Variants in PCDH15 observed in about 807,000 individuals in gnomAD.
PCDH15 encodes protocadherin related 15, also known as protocadherin-15.
Under a neutral mutation model 178.5 loss-of-function variants are expected in PCDH15, and 129 were observed. The ratio of observed to expected loss-of-function variants is 0.72; its 90% CI spans 0.63 to 0.84. PCDH15 has a LOEUF of 0.84. PCDH15 is among the 40% of genes least tolerant of loss of function. PCDH15 has a pLI of 0.00. For synonymous variants in PCDH15, 800 were observed against 732.0 expected (o/e 1.09, Z -1.50); for missense variants, 2,230 against 2,099.9 (o/e 1.06, Z -1.21).
chr10:54,005,572 G>A (rs1221704786), intron 20 of PCDH15, among the ~76,000 whole-genome samples: 4 of 152,150 alleles, frequency 2.6e-5, no homozygotes, highest in Non-Finnish European at 4.4e-5. Context: ...CAACATCATT[G>A]ATCATCAGAG....
intron 2 of PCDH15, among the ~76,000 whole-genome samples, chr10:54,640,779 T>A (rs1275426129): frequency 2.0e-5 from 3 of 152,044 alleles, no homozygotes; most frequent in African/African-American, 7.2e-5. Context: ...TTCTTCACGA[T>A]GCCTTTTTAA....
At chr10:53,990,289 G>A (rs1441440873) in intron 21 of PCDH15, among the ~76,000 whole-genome samples, 1 of 151,568 alleles carries the variant, frequency 6.6e-6, no homozygotes, top group Non-Finnish European at 1.5e-5. Flanking sequence ...CTCAACAGAG[G>A]GAAATAAAAT....
chr10:54,450,555 T>C (rs1447875714), intron 3 of PCDH15, among the ~76,000 whole-genome samples: 2 of 151,864 alleles, frequency 1.3e-5, no homozygotes, highest in East Asian at 3.9e-4. Context: ...TATGGCTTCC[T>C]TAAATTAACC....
intron 2 of PCDH15, among the ~76,000 whole-genome samples, chr10:55,096,713 A>C (rs1328139774): frequency 6.6e-6 from 1 of 152,082 alleles, no homozygotes; most frequent in Non-Finnish European, 1.5e-5. Flanking sequence ...TAGATTTCAC[A>C]TATAAATGAG....
rs550082094 is a variant in PCDH15, at chr10:54,282,660, G to A, written c.876+34611C>T. On this transcript the variant is annotated intron_variant, in intron 8 of 37. Transcript: ENST00000644397. ...AGGCTTAGCTCAATTGGTGATTAAG[G>A]TGATGAGTCTGCCCTGGAGGTGGAA... Among the ~76,000 whole-genome samples the A allele has an allele frequency of 7.2e-5, 11 of 152,102 alleles. No homozygotes were observed. The East Asian group carries it at 1.9e-3, about 27-fold the overall frequency.
intron 2 of PCDH15, among the ~76,000 whole-genome samples, chr10:55,130,070 T>C (rs994049088): frequency 6.6e-5 from 10 of 152,116 alleles, no homozygotes; most frequent in African/African-American, 1.4e-4. Context: ...CTCATACAGA[T>C]GAAGGTTGAG....
At chr10:54,432,655 C>T (rs1207406856) in intron 3 of PCDH15, among the ~76,000 whole-genome samples, 1 of 152,018 alleles carries the variant, frequency 6.6e-6, no homozygotes, top group African/African-American at 2.4e-5. Context: ...CTCTGCAGGA[C>T]ATTGGTCTGA....
At chr10:54,322,124 C>A (rs1009322091) in intron 7 of PCDH15, among the ~76,000 whole-genome samples, 4 of 151,898 alleles carry the variant, frequency 2.6e-5, no homozygotes, top group African/African-American at 4.8e-5. Flanking sequence ...AAACAACCTA[C>A]ACTTTTGATC....
intron 13 of PCDH15, among the ~76,000 whole-genome samples, chr10:54,172,839 A>G (rs567291877): frequency 6.6e-6 from 1 of 152,324 alleles, no homozygotes; most frequent in South Asian, 2.1e-4. Flanking sequence ...TTAATTATTG[A>G]AACCGGACCA....
At position 53,945,280 on chromosome 10, in the gene PCDH15, G is replaced by A. The variant is rs866494430; in HGVS notation, c.3123-4305C>T. Among the ~76,000 whole-genome samples, 11 of 152,070 alleles carry A rather than the reference G, an allele frequency of 7.2e-5. No homozygotes were observed. In the South Asian group the frequency reaches 1.7e-3, roughly 23 times the overall value. ...AAGTTCAATGGTCTCAGAATTTTTTGTATTCTTATTTATTTTTTAATTGGC... is the reference window on the plus strand; with the variant it reads ...AAGTTCAATGGTCTCAGAATTTTTTATATTCTTATTTATTTTTTAATTGGC... On this transcript the variant is annotated intron_variant, in intron 23 of 37. Coordinates refer to ENST00000644397, the MANE Select transcript of PCDH15 (RefSeq NM_001384140.1).
intron 1 of PCDH15, among the ~76,000 whole-genome samples, chr10:54,780,399 C>A (rs896886263): frequency 1.3e-5 from 2 of 152,084 alleles, no homozygotes; most frequent in African/African-American, 4.8e-5. Flanking sequence ...CTGTTTACTG[C>A]AAAACCTGCA....
At chr10:54,259,200 T>C (rs1259053021) in intron 8 of PCDH15, among the ~76,000 whole-genome samples, 5 of 152,204 alleles carry the variant, frequency 3.3e-5, no homozygotes, top group Non-Finnish European at 7.3e-5. Flanking sequence ...AGGCCTACTC[T>C]AAATAAGCCA....
At chr10:54,819,031 T>G (rs1455614323) in intron 3 of PCDH15, among the ~76,000 whole-genome samples, 2 of 151,966 alleles carry the variant, frequency 1.3e-5, no homozygotes. Flanking sequence ...CTCAAGAAAT[T>G]CTCCTGTCTT....
chr10:54,598,497 G>A (rs550685171), intron 2 of PCDH15, among the ~76,000 whole-genome samples: 3 of 151,928 alleles, frequency 2.0e-5, no homozygotes, highest in Non-Finnish European at 4.4e-5. Context: ...GCCATATATT[G>A]CAAACCCACA....
chr10:54,678,559 T>C (rs1449527634), intron 1 of PCDH15, among the ~76,000 whole-genome samples: 1 of 152,066 alleles, frequency 6.6e-6, no homozygotes, highest in African/African-American at 2.4e-5. Context: ...TCAAACAAAT[T>C]TTAAAAACAA....
chr10:54,226,478 T>C (rs2053462071), intron 9 of PCDH15, among the ~76,000 whole-genome samples: 1 of 152,150 alleles, frequency 6.6e-6, no homozygotes, highest in Admixed American at 6.5e-5. Context: ...GGCAGGCAGA[T>C]CACCTGTGTC....
chr10:54,841,453 A>G (rs1402388779), intron 3 of PCDH15, among the ~76,000 whole-genome samples: 1 of 151,806 alleles, frequency 6.6e-6, no homozygotes, highest in Admixed American at 6.6e-5. Flanking sequence ...TACATTAAGG[A>G]AAAGAATTCC....
chr10:53,881,092 A>G (rs953111190), intron 26 of PCDH15, among the ~76,000 whole-genome samples: 8 of 152,180 alleles, frequency 5.3e-5, no homozygotes, highest in South Asian at 2.1e-4. Context: ...ATTTTGTGTC[A>G]TGAGTACCAA....
chr10:54,622,010 G>A (rs2093363635), intron 2 of PCDH15, among the ~76,000 whole-genome samples: 1 of 151,970 alleles, frequency 6.6e-6, no homozygotes, highest in South Asian at 2.1e-4. Flanking sequence ...ACTGAGGAAT[G>A]AGAATTTAAG....
Sources: gnomAD v4.1 joint callset for allele counts (sites outside exome capture counted in the v4.1 genomes callset) on GRCh38, gnomAD v4.1.1 for gene constraint, MANE v1.5 for transcripts, NCBI Gene and HGNC (gene_info 2026-07-23, HGNC 2026-07-21) for gene names.